The following THTPA variants were observed in gnomAD, a reference collection of about 807,000 sequenced individuals.
The protein encoded by THTPA is thiamine-triphosphatase.
Under a neutral mutation model 16.5 loss-of-function variants are expected in THTPA, and 16 were observed. That is an observed-to-expected ratio of 0.97 (90% CI 0.66 to 1.47). The LOEUF is 1.47. THTPA is among the 40% of genes most tolerant of loss of function. THTPA has a pLI of 0.00. For synonymous variants in THTPA, 110 were observed against 115.5 expected (o/e 0.95, Z 0.30); for missense variants, 281 against 280.9 (o/e 1.00, Z 0.00).
the THTPA span, among the ~76,000 whole-genome samples, chr14:23,541,639 A>C: frequency 6.6e-6 from 1 of 152,144 alleles, no homozygotes; most frequent in Non-Finnish European, 1.5e-5. Flanking sequence ...AGCCCTCTTG[A>C]TTGCTGGGTC....
At chr14:23,520,975 C>CTT in the THTPA span, 1 of 151,424 alleles carries the variant, frequency 6.6e-6, no homozygotes, top group Admixed American at 6.6e-5. This position sits in a 1 kb window ranked among gnomAD's most constrained non-coding sequence, Gnocchi z 8.7. Context: ...TACTCTCTCT[C>CTT]GCTCTTGCTT....
chr14:23,525,132 C>G, the THTPA span: 3 of 1,536,184 alleles, frequency 2.0e-6, no homozygotes, highest in East Asian at 7.3e-5. The surrounding 1 kb of genome is among the most constrained non-coding windows in gnomAD (Gnocchi z 5.9). Flanking sequence ...GTCTGGAACT[C>G]TGTGAACTTG....
At chr14:23,536,808 A>G in the THTPA span, among the ~76,000 whole-genome samples, 6 of 152,204 alleles carry the variant, frequency 3.9e-5, no homozygotes, top group African/African-American at 9.6e-5. Context: ...TCCCTTGGAC[A>G]CAATACAGGT....
At chr14:23,524,382 G>T in the THTPA span, 2 of 1,536,084 alleles carry the variant, frequency 1.3e-6, no homozygotes, top group African/African-American at 2.7e-5. The surrounding 1 kb of genome is among the most constrained non-coding windows in gnomAD (Gnocchi z 5.6). Context: ...TCCCTGGGGG[G>T]CTCGCCCTCC....
the THTPA span, among the ~76,000 whole-genome samples, chr14:23,516,473 T>C: frequency 6.6e-6 from 1 of 152,224 alleles, no homozygotes; most frequent in Admixed American, 6.5e-5. Flanking sequence ...TGATCCTCAC[T>C]GGCAGTAGTT....
At chr14:23,523,506 T>G in the THTPA span, 2 of 1,536,362 alleles carry the variant, frequency 1.3e-6, no homozygotes, top group Non-Finnish European at 1.7e-6. The surrounding 1 kb of genome is among the most constrained non-coding windows in gnomAD (Gnocchi z 4.1). Flanking sequence ...GGGCAGTCAG[T>G]GCGCTGGGCT....
chr14:23,525,371 T>C, the THTPA span: 2 of 1,536,092 alleles, frequency 1.3e-6, no homozygotes, highest in Non-Finnish European at 1.7e-6. This position sits in a 1 kb window ranked among gnomAD's most constrained non-coding sequence, Gnocchi z 5.9. Flanking sequence ...GTATAGGCTG[T>C]CATAGCTCTT....
the THTPA span, among the ~76,000 whole-genome samples, chr14:23,546,008 G>T: frequency 8.5e-5 from 13 of 152,294 alleles, 1 homozygote; most frequent in South Asian, 2.7e-3. The surrounding 1 kb of genome is among the most constrained non-coding windows in gnomAD (Gnocchi z 4.7). Flanking sequence ...CCCAAGCCCA[G>T]CCCCAAAGGG....
the THTPA span, chr14:23,530,165 G>T: frequency 2.6e-6 from 4 of 1,536,034 alleles, no homozygotes; most frequent in Non-Finnish European, 3.5e-6. Flanking sequence ...GGGGTGGGTG[G>T]CTCAGCTAAG....
At chr14:23,540,569 A>G in the THTPA span, among the ~76,000 whole-genome samples, 2 of 152,212 alleles carry the variant, frequency 1.3e-5, no homozygotes, top group African/African-American at 4.8e-5. Context: ...CAAATAAACT[A>G]TAACTAGATG....
At chr14:23,536,642 C>G in the THTPA span, among the ~76,000 whole-genome samples, 1 of 152,200 alleles carries the variant, frequency 6.6e-6, no homozygotes, top group Admixed American at 6.5e-5. Flanking sequence ...AATCTCACAG[C>G]AACCTTATTT....
upstream of THTPA, among the ~76,000 whole-genome samples, chr14:23,552,880 G>A (rs915168712): frequency 6.6e-6 from 1 of 152,096 alleles, no homozygotes; most frequent in Non-Finnish European, 1.5e-5. Flanking sequence ...GGGATTATAG[G>A]GGTGATCCAC....
At chr14:23,525,708 G>A in the THTPA span, 61 of 1,522,040 alleles carry the variant, frequency 4.0e-5, no homozygotes, top group Admixed American at 2.6e-4. This position sits in a 1 kb window ranked among gnomAD's most constrained non-coding sequence, Gnocchi z 5.9. Flanking sequence ...ATGGGGGGCC[G>A]CTCCCACTCC....
the THTPA span, chr14:23,526,248 C>T: frequency 7.4e-5 from 114 of 1,536,128 alleles, no homozygotes; most frequent in Non-Finnish European, 9.1e-5. Flanking sequence ...CCGGCCTCTC[C>T]CCGTGCAGGG....
At chr14:23,535,587 TATTA>T in the THTPA span, among the ~76,000 whole-genome samples, 5 of 152,242 alleles carry the variant, frequency 3.3e-5, no homozygotes, top group East Asian at 1.9e-4. This position sits in a 1 kb window ranked among gnomAD's most constrained non-coding sequence, Gnocchi z 4.5. Context: ...TATTTTATTT[TATTA>T]ATTAATTAAT....
chr14:23,524,425 C>T, the THTPA span: 2 of 1,536,194 alleles, frequency 1.3e-6, no homozygotes, highest in South Asian at 2.4e-5. The surrounding 1 kb of genome is among the most constrained non-coding windows in gnomAD (Gnocchi z 5.6). Context: ...CTGTGGGAGA[C>T]AAGCTGCCGT....
At chr14:23,527,095 G>A in the THTPA span, 1 of 1,366,182 alleles carries the variant, frequency 7.3e-7, no homozygotes, top group Non-Finnish European at 9.5e-7. Context: ...CCAGCCTCCT[G>A]TCTGAACAAA....
At chr14:23,531,860 C>T in the THTPA span, 1 of 1,135,730 alleles carries the variant, frequency 8.8e-7, no homozygotes. Flanking sequence ...TCACTGAAGC[C>T]TCTACCTCCT....
chr14:23,530,355 C>T, the THTPA span: 1 of 705,448 alleles, frequency 1.4e-6, no homozygotes, highest in Non-Finnish European at 2.6e-6. Context: ...AAGAAACACC[C>T]ACACAGAAGA....
Sources: allele counts gnomAD v4.1 joint callset (sites outside exome capture counted in the v4.1 genomes callset), GRCh38; gene constraint gnomAD v4.1.1; non-coding constraint Gnocchi (gnomAD v3.1); transcripts MANE v1.5; gene names NCBI Gene and HGNC (gene_info 2026-07-23, HGNC 2026-07-21).